RTKN2: variants seen among roughly 807,000 people sequenced by gnomAD.
RTKN2 encodes the protein rhotekin-2.
A neutral mutation model predicts 71.5 loss-of-function variants in RTKN2; 69 were observed. The ratio of observed to expected loss-of-function variants is 0.96; its 90% CI spans 0.79 to 1.18. RTKN2 has a LOEUF of 1.18. RTKN2 is among the 50% of genes most tolerant of loss of function. The pLI is 0.00. For synonymous variants in RTKN2, 236 were observed against 236.5 expected, an observed-to-expected ratio of 1.00 and a Z score of 0.02; for missense variants, 724 against 719.7, an observed-to-expected ratio of 1.01 and a Z score of -0.07.
At chr10:62,225,323 C>G (rs779724411) in intron 6 of RTKN2, among the ~76,000 whole-genome samples, 1 of 152,208 alleles carries the variant, frequency 6.6e-6, no homozygotes, top group Non-Finnish European at 1.5e-5. Flanking sequence ...TCCACATGGA[C>G]CAATCCCCCC....
intron 6 of RTKN2, among the ~76,000 whole-genome samples, chr10:62,235,099 C>T (rs563098915): frequency 1.3e-5 from 2 of 152,104 alleles, no homozygotes; most frequent in East Asian, 1.9e-4. Context: ...TTCTACAAGA[C>T]CTAGTCTCTT....
At chr10:62,225,875 G>A (rs957707890) in intron 6 of RTKN2, among the ~76,000 whole-genome samples, 5 of 150,802 alleles carry the variant, frequency 3.3e-5, no homozygotes, top group Non-Finnish European at 4.4e-5. Flanking sequence ...TCCGCCTTCC[G>A]GGTTCATGCC....
chr10:62,247,586 G>A (rs1216369922), intron 2 of RTKN2, among the ~76,000 whole-genome samples: 1 of 151,862 alleles, frequency 6.6e-6, no homozygotes, highest in Non-Finnish European at 1.5e-5. Flanking sequence ...ATTTTAAAAA[G>A]AGTGAAGTTC....
At chr10:62,215,090 G>T in intron 9 of RTKN2, 2 of 1,492,410 alleles carry the variant, frequency 1.3e-6, no homozygotes, top group South Asian at 1.2e-5. Flanking sequence ...TAAAACTAAT[G>T]ACTTCAAAAA....
chr10:62,201,489 A>G (rs949725675), intron 10 of RTKN2, among the ~76,000 whole-genome samples: 1 of 152,112 alleles, frequency 6.6e-6, no homozygotes, highest in Non-Finnish European at 1.5e-5. Flanking sequence ...ATCTAGTAGG[A>G]TCTGAGATCT....
In RTKN2 at chr10:62,195,872, T is replaced by A. The variant is rs1326086403; in HGVS notation, c.*2036A>T. On this transcript the variant is annotated 3_prime_UTR_variant, in exon 12 of 12. Coordinates refer to ENST00000373789, the MANE Select transcript of RTKN2 (RefSeq NM_145307.4). ...TGGTTCTAGGTAAAAAGGGCTTCAG[T>A]CCTGTTTCAAAGTTCTACTCTGAGG... 1 of 985,338 alleles carries A rather than the reference T, an allele frequency of 1.0e-6. No homozygotes were observed. The highest frequency in any genetic ancestry group is 1.1e-4 in the East Asian group (1 of 8,812). The allele number at this position is 985,338 out of a possible 1,614,324, so 61.0% of individuals were successfully genotyped here.
intron 3 of RTKN2, among the ~76,000 whole-genome samples, chr10:62,244,730 G>C (rs1589375407): frequency 2.6e-5 from 4 of 152,180 alleles, no homozygotes. Flanking sequence ...AACATGTTTT[G>C]TTTTGTATTA....
At chr10:62,243,230 T>C (rs3864793) in intron 3 of RTKN2, among the ~76,000 whole-genome samples, 114,232 of 150,360 alleles carry the variant, frequency 0.76, 43,459 homozygotes, top group East Asian at 0.9. Context: ...TTATTTTCAA[T>C]AGTTTCATCT....
In RTKN2 at chr10:62,197,749, C is replaced by A; in HGVS notation, c.*159G>T. 7.1e-7 allele frequency: 1 copy of A among 1,412,336 alleles called. No individual in the cohort carries two copies. The highest frequency in any genetic ancestry group is 1.6e-5 in the South Asian group (1 of 60,644). The allele number at this position is 1,412,336 out of a possible 1,614,324, so 87.5% of individuals were successfully genotyped here. On this transcript the variant is annotated 3_prime_UTR_variant, in exon 12 of 12. Transcript: ENST00000373789. ...GCAAATCAGGAGTAAAAGAGAAATC[C>A]ACTTCTTCATTATAAAATGTTTTTC...
At chr10:62,208,366 A>C (rs966084870) in intron 9 of RTKN2, among the ~76,000 whole-genome samples, 1 of 148,644 alleles carries the variant, frequency 6.7e-6, no homozygotes, top group Non-Finnish European at 1.5e-5. Context: ...GCTGACTCTC[A>C]GCCTGGGCCA....
intron 7 of RTKN2, among the ~76,000 whole-genome samples, chr10:62,221,511 T>C (rs1841906300): frequency 2.6e-5 from 4 of 152,076 alleles, no homozygotes; most frequent in South Asian, 4.1e-4. Context: ...TAAAATCCAA[T>C]ATAATGCTGT....
At chr10:62,186,003 A>G (rs1353815423) in intron 8 of RTKN2, among the ~76,000 whole-genome samples, 2 of 152,248 alleles carry the variant, frequency 1.3e-5, no homozygotes, top group African/African-American at 4.8e-5. Flanking sequence ...AGAAGAGTTA[A>G]GTTGAACTGC....
In RTKN2 at chr10:62,193,580, C is replaced by T; in HGVS notation, c.*4328G>A. 2.0e-6 allele frequency: 2 copies of T among 984,570 alleles called. No homozygotes were observed. The highest frequency in any genetic ancestry group is 2.4e-6 in the Non-Finnish European group (2 of 829,312). The allele number at this position is 984,570 out of a possible 1,614,324, so 61.0% of individuals were successfully genotyped here. ...ACACTACAGATTTAGAAATAAAATG[C>T]TGAAATAATCCAACTGAGCCAGGAT... is the stretch of plus-strand genomic sequence containing the variant. On this transcript the variant is annotated 3_prime_UTR_variant, in exon 12 of 12. Coordinates refer to ENST00000373789, the MANE Select transcript of RTKN2 (RefSeq NM_145307.4).
intron 7 of RTKN2, among the ~76,000 whole-genome samples, chr10:62,219,681 G>A (rs560690667): frequency 1.4e-4 from 21 of 152,068 alleles, no homozygotes; most frequent in Admixed American, 2.6e-4. Flanking sequence ...GAGTGTGGTG[G>A]TGTCTGCCTG....
chr10:62,221,001 A>G (rs1391980134), intron 7 of RTKN2, among the ~76,000 whole-genome samples: 2 of 152,038 alleles, frequency 1.3e-5, no homozygotes, highest in African/African-American at 2.4e-5. Flanking sequence ...TGATATCAGC[A>G]TAACTCACTA....
chr10:62,255,181 T>G (rs919947613), intron 2 of RTKN2, among the ~76,000 whole-genome samples: 1 of 152,180 alleles, frequency 6.6e-6, no homozygotes, highest in Non-Finnish European at 1.5e-5. Flanking sequence ...TTGTCAGTAA[T>G]AATATTGGTA....
chr10:62,240,450 C>T (rs1358178923), intron 4 of RTKN2, among the ~76,000 whole-genome samples: 1 of 152,064 alleles, frequency 6.6e-6, no homozygotes, highest in Non-Finnish European at 1.5e-5. Context: ...ACATGTATTC[C>T]TTTGTAAAGT....
intron 6 of RTKN2, among the ~76,000 whole-genome samples, chr10:62,227,839 T>C (rs1207811797): frequency 6.6e-6 from 1 of 152,150 alleles, no homozygotes; most frequent in Non-Finnish European, 1.5e-5. Context: ...ATGGTTGAGA[T>C]TCCTGATATA....
intron 2 of RTKN2, among the ~76,000 whole-genome samples, chr10:62,250,020 C>T (rs750301723): frequency 6.6e-6 from 1 of 152,202 alleles, no homozygotes; most frequent in Non-Finnish European, 1.5e-5. Flanking sequence ...CTACAGTCCA[C>T]ACCAACAGCA....
Sources: allele counts gnomAD v4.1 joint callset (sites outside exome capture counted in the v4.1 genomes callset), GRCh38; gene constraint gnomAD v4.1.1; transcripts MANE v1.5; gene names NCBI Gene and HGNC (gene_info 2026-07-23, HGNC 2026-07-21).